ZCCHC14: variants seen among roughly 807,000 people sequenced by gnomAD.
ZCCHC14 encodes the protein zinc finger CCHC domain-containing protein 14.
A neutral mutation model predicts 85.0 loss-of-function variants in ZCCHC14; 16 were observed. The ratio of observed to expected loss-of-function variants is 0.19; its 90% CI spans 0.13 to 0.29. The LOEUF (loss-of-function observed/expected upper bound fraction) is 0.29. ZCCHC14 is among the 10% of genes least tolerant of loss of function. The pLI, the probability that ZCCHC14 is intolerant of heterozygous loss-of-function variation, is 1.00. For synonymous variants in ZCCHC14, 775 were observed against 630.7 expected, an observed-to-expected ratio of 1.23 and a Z score of -3.43; for missense variants, 1,303 against 1,443.5, an observed-to-expected ratio of 0.90 and a Z score of 1.58.
intron 2 of ZCCHC14, among the ~76,000 whole-genome samples, chr16:87,440,258 G>C (rs972177178): frequency 2.6e-5 from 4 of 151,948 alleles, no homozygotes; most frequent in African/African-American, 9.7e-5. Flanking sequence ...TCCATCTCCT[G>C]AGTTCAAGCG....
Position 87,491,952 on chromosome 16 carries a change from G to C in ZCCHC14, c.287C>G (p.Ser96Trp). 1 of 1,439,610 alleles carries C rather than the reference G, an allele frequency of 6.9e-7. No homozygotes were observed. The highest frequency in any genetic ancestry group is 9.1e-7 in the Non-Finnish European group (1 of 1,099,752). The allele number at this position is 1,439,610 out of a possible 1,614,324, so 89.2% of individuals were successfully genotyped here. ...KLLVSLALLG[S>W]EQREAAGVLY... is the part of the protein sequence containing the mutation. The stretch of plus-strand genomic sequence containing the variant: ...CACGCCCGCCGCCTCGCGCTGCTCC[G>C]AGCCCAGCAGCGCCAGCGACACCAG... Residue 96 changes from serine to tryptophan, a missense_variant, in exon 1 of 13, where the codon TCG becomes TGG. Transcript: ENST00000671377. This position sits in a 1 kb window ranked among gnomAD's most constrained non-coding sequence, Gnocchi z 5.9.
At chr16:87,443,016 A>C (rs1190870589) in intron 2 of ZCCHC14, among the ~76,000 whole-genome samples, 1 of 152,254 alleles carries the variant, frequency 6.6e-6, no homozygotes, top group Non-Finnish European at 1.5e-5. Flanking sequence ...AATGAACGGG[A>C]AGCAAACTTG....
chr16:87,425,090 A>T (rs746737881), intron 3 of ZCCHC14, among the ~76,000 whole-genome samples: 1 of 152,056 alleles, frequency 6.6e-6, no homozygotes, highest in Non-Finnish European at 1.5e-5. Flanking sequence ...CAGTCTCGTC[A>T]CATCACGTAG....
rs1037739228 is a variant in ZCCHC14 at position 87,491,650 on chromosome 16, G to C, written c.570+19C>G. 4 of 1,393,368 alleles carry C rather than the reference G, an allele frequency of 2.9e-6. No individual in the cohort carries two copies. The highest frequency in any genetic ancestry group is 3.1e-5 in the African/African-American group (2 of 65,548). 86.3% of individuals were successfully genotyped at this position (1,393,368 alleles called of 1,614,324 possible). On this transcript the variant is annotated intron_variant, in intron 1 of 12. Transcript: ENST00000671377. This position sits in a 1 kb window ranked among gnomAD's most constrained non-coding sequence, Gnocchi z 5.9. ...ATGCAGACTTGGGGTACAGGGCAGA[G>C]CTCGGGGCGGGCACGCACCTTGTGG...
Position 87,417,566 on chromosome 16 carries a change from C to A in ZCCHC14, c.1277G>T (p.Ser426Ile), listed in dbSNP as rs1390167213. 3.1e-6 allele frequency: 5 copies of A among 1,614,258 alleles called. No homozygotes were observed. The highest frequency in any genetic ancestry group is 4.2e-6 in the Non-Finnish European group (5 of 1,180,050). The change falls in exon 8 of 13, where the codon AGT becomes ATT. Residue 426 changes from serine to isoleucine, a missense_variant. Ser to Ile is a moderately radical substitution (Grantham distance 142). Transcript: ENST00000671377. ...CTCCTGGGTCTGAGGGGTCTGCAGA[C>A]TGGAAGGCATGAGGATGGCAGGTGA... The part of the protein sequence containing the change: ...DTSPAILMPS[S>I]LQTPQTQEQN...
intron 2 of ZCCHC14, among the ~76,000 whole-genome samples, chr16:87,444,407 C>A (rs1011212868): frequency 1.3e-5 from 2 of 152,286 alleles, no homozygotes; most frequent in Admixed American, 6.5e-5. Context: ...TTATAACTCA[C>A]TGAATAAAAC....
At chr16:87,474,807 T>G (rs1911928393) in intron 1 of ZCCHC14, among the ~76,000 whole-genome samples, 1 of 152,220 alleles carries the variant, frequency 6.6e-6, no homozygotes, top group East Asian at 1.9e-4. Context: ...CAGCACGCTC[T>G]GCACATCAAC....
At chr16:87,430,740 TTGAACTCC>T (rs1396187963) in intron 3 of ZCCHC14, among the ~76,000 whole-genome samples, 1 of 150,462 alleles carries the variant, frequency 6.6e-6, no homozygotes, top group Non-Finnish European at 1.5e-5. Flanking sequence ...TAGGCTGGTC[TTGAACTCC>T]TGACCCCAAG....
chr16:87,444,324 A>G (rs1350496424), intron 2 of ZCCHC14, among the ~76,000 whole-genome samples: 2 of 152,186 alleles, frequency 1.3e-5, no homozygotes, highest in Non-Finnish European at 2.9e-5. Context: ...AAAGACACAA[A>G]ACATCAGTTT....
chr16:87,454,819 A>G (rs1910873722), intron 2 of ZCCHC14, among the ~76,000 whole-genome samples: 1 of 152,214 alleles, frequency 6.6e-6, no homozygotes, highest in Admixed American at 6.5e-5. Context: ...CCATGTGACA[A>G]GTACACATAC....
Position 87,491,662 on chromosome 16 carries a change from C to T in ZCCHC14, c.570+7G>A, listed in dbSNP as rs771042632. ...GGTACAGGGCAGAGCTCGGGGCGGG[C>T]ACGCACCTTGTGGCAGGCTGGGCAA... On this transcript the variant is annotated splice_region_variant and intron_variant, in intron 1 of 12. Transcript: ENST00000671377. The surrounding 1 kb of genome is among the most constrained non-coding windows in gnomAD (Gnocchi z 5.9). 14 of 1,410,778 alleles carry T rather than the reference C, an allele frequency of 9.9e-6. No individual in the cohort carries two copies. Among genetic ancestry groups the T allele is most frequent in the Non-Finnish European group, 1.1e-5 (12 of 1,088,900 alleles). 87.4% of individuals were successfully genotyped at this position (1,410,778 alleles called of 1,614,324 possible).
intron 7 of ZCCHC14, 158 bp from the exon 8 acceptor site, chr16:87,417,900 T>C (rs1295223981): frequency 1.2e-5 from 10 of 836,982 alleles, no homozygotes; most frequent in Non-Finnish European, 1.8e-5. Context: ...TGCTGTGCTA[T>C]GACTGCCCTC....
Position 87,492,126 on chromosome 16 carries a change from G to C in ZCCHC14, c.113C>G (p.Pro38Arg). Reference sequence around the variant, plus strand: ...CGAGCCGAGGAAGCGAAGCTCGAGCGGGATGCACAGGTCCAGCAGGCCGCA... The same window carrying C: ...CGAGCCGAGGAAGCGAAGCTCGAGCCGGATGCACAGGTCCAGCAGGCCGCA... ...FLCGLLDLCIPLELRFLGSCL... is the reference protein window; with the variant it reads ...FLCGLLDLCIRLELRFLGSCL... Residue 38 changes from proline to arginine, a missense_variant, in exon 1 of 13, where the codon CCG becomes CGG. Pro to Arg is a moderately radical substitution (Grantham distance 103, BLOSUM62 -2). Around this residue, in one of 7 missense-constraint regions of ZCCHC14, gnomAD observed 29 missense variants for 76.8 expected, o/e 0.38. Coordinates refer to ENST00000671377, the MANE Select transcript of ZCCHC14 (RefSeq NM_015144.3). This position sits in a 1 kb window ranked among gnomAD's most constrained non-coding sequence, Gnocchi z 6.7. 7.4e-7 allele frequency: 1 copy of C among 1,346,180 alleles called. No homozygotes were observed. Among genetic ancestry groups the C allele is most frequent in the Non-Finnish European group, 9.5e-7 (1 of 1,053,716 alleles). The allele number at this position is 1,346,180 out of a possible 1,614,324, so 83.4% of individuals were successfully genotyped here.
Position 87,407,365 on chromosome 16 carries a change from G to T in ZCCHC14, c.*2915C>A, listed in dbSNP as rs1908249679. On this transcript the variant is annotated 3_prime_UTR_variant, in exon 13 of 13. Transcript: ENST00000671377. ...ATATATGCATTCAAGAAAATATTTT[G>T]TCTTTATTTTTATTACAAGTGCGCT... 2 of 152,150 alleles carry T rather than the reference G, an allele frequency of 1.3e-5. No homozygotes were observed. The highest frequency in any genetic ancestry group is 2.9e-5 in the Non-Finnish European group (2 of 68,014). 9.4% of individuals were successfully genotyped at this position (152,150 alleles called of 1,614,324 possible). A position where few individuals can be genotyped will look rare whatever the true frequency, so the allele number is the denominator to read the frequency against.
At chr16:87,469,013 A>G (rs1355734437) in intron 1 of ZCCHC14, among the ~76,000 whole-genome samples, 1 of 152,258 alleles carries the variant, frequency 6.6e-6, no homozygotes, top group South Asian at 2.1e-4. Flanking sequence ...CCAGGTGCCA[A>G]TGGAATGCCT....
intron 1 of ZCCHC14, chr16:87,471,412 ACCT>A (rs1911767582): frequency 6.6e-6 from 1 of 152,246 alleles, no homozygotes; most frequent in Non-Finnish European, 1.5e-5. Context: ...ATATTTCTTA[ACCT>A]AGAGCTCTAC....
intron 1 of ZCCHC14, among the ~76,000 whole-genome samples, chr16:87,484,551 G>C (rs556233952): frequency 6.6e-6 from 1 of 152,342 alleles, no homozygotes; most frequent in South Asian, 2.1e-4. Context: ...GTGTATCTAA[G>C]CGTGTATATG....
At chr16:87,445,634 A>G (rs979979091) in intron 2 of ZCCHC14, among the ~76,000 whole-genome samples, 1 of 152,160 alleles carries the variant, frequency 6.6e-6, no homozygotes, top group African/African-American at 2.4e-5. Context: ...TTGATATTTT[A>G]TTACCAGATA....
intron 2 of ZCCHC14, among the ~76,000 whole-genome samples, chr16:87,434,154 C>T (rs1413170038): frequency 6.6e-6 from 1 of 152,220 alleles, no homozygotes; most frequent in East Asian, 1.9e-4. Context: ...CCGTTTTCCA[C>T]GTACACTGGT....
Sources: allele counts gnomAD v4.1 joint callset (sites outside exome capture counted in the v4.1 genomes callset), GRCh38; gene constraint gnomAD v4.1.1; regional missense constraint gnomAD v4.1.1; non-coding constraint Gnocchi (gnomAD v3.1); transcripts MANE v1.5; gene names NCBI Gene and HGNC (gene_info 2026-07-23, HGNC 2026-07-21).